The following LRRC7 variants were observed in gnomAD, a reference collection of about 807,000 sequenced individuals.
The protein encoded by LRRC7 is leucine rich repeat containing 7.
In LRRC7, 23 loss-of-function variants were observed where a neutral mutation model predicts 175.7. That is an observed-to-expected ratio of 0.13 (90% confidence interval 0.09 to 0.19). LRRC7 has a LOEUF of 0.19. Among genes scored for constraint, LRRC7 ranks in the 10% least tolerant of loss-of-function variants. The probability of loss-of-function intolerance (pLI) is 1.00; values close to 1 mark genes in which losing one functional copy is unlikely to be tolerated. For missense variants in LRRC7, 1,354 were observed against 1,904.7 expected, an observed-to-expected ratio of 0.71 and a Z score of 5.38; for synonymous variants, 685 against 680.9, an observed-to-expected ratio of 1.01 and a Z score of -0.09.
At chr1:69,994,403 A>G (rs1336515986) in intron 10 of LRRC7, among the ~76,000 whole-genome samples, 158 bp from the exon 11 acceptor site, 2 of 152,174 alleles carry the variant, frequency 1.3e-5, no homozygotes, top group Admixed American at 6.6e-5. Context: ...TCAAAATTAG[A>G]CTACACACAA....
intron 1 of LRRC7, among the ~76,000 whole-genome samples, chr1:69,658,331 T>A (rs568931520): frequency 2.0e-5 from 3 of 152,016 alleles, no homozygotes. Context: ...AAATGGGATC[T>A]CCATTATTGT....
At chr1:69,603,443 T>C (rs1345195451) in intron 1 of LRRC7, among the ~76,000 whole-genome samples, 1 of 152,226 alleles carries the variant, frequency 6.6e-6, no homozygotes, top group Non-Finnish European at 1.5e-5. Context: ...TGAAGTATTT[T>C]GCAAATAATT....
chr1:69,858,556 C>G (rs1415511955), intron 7 of LRRC7, among the ~76,000 whole-genome samples: 2 of 151,546 alleles, frequency 1.3e-5, no homozygotes, highest in Non-Finnish European at 2.9e-5. Context: ...TTCGCTTTTT[C>G]CTTTCATCCT....
intron 2 of LRRC7, among the ~76,000 whole-genome samples, chr1:69,757,384 G>A (rs1158178196): frequency 1.3e-5 from 2 of 151,962 alleles, no homozygotes; most frequent in African/African-American, 4.8e-5. Context: ...TTGGGTCTAT[G>A]AGGATGGGAG....
At chr1:69,760,449 A>G in intron 3 of LRRC7, 56 bp downstream of exon 3, 2 of 1,418,864 alleles carry the variant, frequency 1.4e-6, no homozygotes, top group Non-Finnish European at 2.0e-6. Flanking sequence ...TAATTTTCAA[A>G]TACTTTATTA....
At chr1:69,976,866 GATACTTCTAAGTTGTATCTCCAGCTA>G (rs879614945) in intron 8 of LRRC7, among the ~76,000 whole-genome samples, 23 of 150,788 alleles carry the variant, frequency 1.5e-4, no homozygotes, top group African/African-American at 2.2e-4. Context: ...CTACTTCCGT[GATACTTCTAAGTTGTATCTCCAGCTA>G]ATACTTCTAA....
intron 22 of LRRC7, among the ~76,000 whole-genome samples, chr1:70,047,835 T>A (rs1167067485): frequency 6.6e-6 from 1 of 152,024 alleles, no homozygotes; most frequent in Non-Finnish European, 1.5e-5. Context: ...ATAAATTTAA[T>A]TTCCTTAATA....
rs1646409769 is a variant in LRRC7, at chr1:69,568,352, A to T, written c.-288A>T. ...TGGGCAGGCTGAGGCTGGGGAGTGG[A>T]CGCGCTCCTGCCTCCCCCGCCGGCG... On this transcript the variant is annotated 5_prime_UTR_variant, in exon 1 of 27. Coordinates refer to ENST00000651989, the MANE Select transcript of LRRC7 (RefSeq NM_001370785.2). The T allele has an allele frequency of 1.4e-5, 3 of 207,300 alleles. No homozygotes were observed. In the South Asian group the frequency reaches 1.7e-4, roughly 12 times the overall value. 12.8% of individuals were successfully genotyped at this position (207,300 alleles called of 1,614,324 possible).
intron 7 of LRRC7, among the ~76,000 whole-genome samples, chr1:69,846,681 C>A (rs1570297713): frequency 6.6e-6 from 1 of 152,066 alleles, no homozygotes; most frequent in African/African-American, 2.4e-5. Context: ...GTAAAGAGTG[C>A]TGGATATCAT....
At chr1:69,603,147 A>G (rs1647148662) in intron 1 of LRRC7, among the ~76,000 whole-genome samples, 1 of 152,140 alleles carries the variant, frequency 6.6e-6, no homozygotes, top group Admixed American at 6.5e-5. Flanking sequence ...TTTCTCTCTT[A>G]CATGGATACT....
At chr1:69,784,537 TG>T (rs1452893232) in intron 3 of LRRC7, among the ~76,000 whole-genome samples, 1 of 152,256 alleles carries the variant, frequency 6.6e-6, no homozygotes, top group African/African-American at 2.4e-5. Context: ...CTTCAGTTCC[TG>T]TGTCCTCCTT....
chr1:70,111,431 C>T (rs1665519955), intron 26 of LRRC7, among the ~76,000 whole-genome samples: 1 of 152,108 alleles, frequency 6.6e-6, no homozygotes, highest in African/African-American at 2.4e-5. Flanking sequence ...CCTTCATAGA[C>T]TCACCTTCTG....
chr1:69,902,151 G>T (rs565963607), intron 7 of LRRC7, among the ~76,000 whole-genome samples: 1 of 152,240 alleles, frequency 6.6e-6, no homozygotes, highest in East Asian at 1.9e-4. Context: ...AGGTTGTGAG[G>T]ACCTGAAGGC....
At chr1:70,015,085 AAATAACTTTTAGTTAGG>A (rs1319061648) in intron 13 of LRRC7, among the ~76,000 whole-genome samples, 1 of 152,120 alleles carries the variant, frequency 6.6e-6, no homozygotes, top group Non-Finnish European at 1.5e-5. Flanking sequence ...AAGTGAATTG[AAATAACTTTTAGTTAGG>A]AATAACTTTT....
chr1:69,872,028 T>G (rs549503426), intron 7 of LRRC7, among the ~76,000 whole-genome samples: 1 of 152,014 alleles, frequency 6.6e-6, no homozygotes, highest in African/African-American at 2.4e-5. Flanking sequence ...AATACTGTAA[T>G]GAAACATTAT....
intron 25 of LRRC7, among the ~76,000 whole-genome samples, chr1:70,097,880 G>C (rs1349153105): frequency 6.8e-6 from 1 of 147,630 alleles, no homozygotes; most frequent in East Asian, 2.0e-4. Flanking sequence ...ATTTGGGTTG[G>C]TTCCAAGTCT....
intron 11 of LRRC7, among the ~76,000 whole-genome samples, chr1:70,007,773 G>T (rs1214231830): frequency 6.6e-6 from 1 of 152,014 alleles, no homozygotes; most frequent in Non-Finnish European, 1.5e-5. Flanking sequence ...TTTAATGTGA[G>T]GTTTATTGCC....
intron 3 of LRRC7, among the ~76,000 whole-genome samples, chr1:69,765,558 T>C (rs766521797): frequency 9.9e-5 from 15 of 152,234 alleles, no homozygotes; most frequent in Non-Finnish European, 1.2e-4. Flanking sequence ...ATTATATTAC[T>C]GGAAAGTTCT....
intron 17 of LRRC7, among the ~76,000 whole-genome samples, chr1:70,026,879 GAGA>G (rs1658164711): frequency 6.6e-6 from 1 of 152,092 alleles, no homozygotes; most frequent in Non-Finnish European, 1.5e-5. Flanking sequence ...ACAAAATGTC[GAGA>G]AGAATAACAC....
Sources: allele counts gnomAD v4.1 joint callset (sites outside exome capture counted in the v4.1 genomes callset), GRCh38; gene constraint gnomAD v4.1.1; transcripts MANE v1.5; gene names NCBI Gene and HGNC (gene_info 2026-07-23, HGNC 2026-07-21).